UST: variants seen among roughly 807,000 people sequenced by gnomAD.
UST encodes uronyl 2-sulfotransferase.
Under a neutral mutation model 45.6 loss-of-function variants are expected in UST, and 21 were observed. The ratio of observed to expected loss-of-function variants is 0.46; its 90% CI spans 0.33 to 0.66. The LOEUF (loss-of-function observed/expected upper bound fraction) is 0.66, where lower values mean the gene tolerates loss of function less well. UST is among the 30% of genes least tolerant of loss of function. The probability of loss-of-function intolerance (pLI) is 0.02; values close to 1 mark genes in which losing one functional copy is unlikely to be tolerated. For missense variants in UST, 463 were observed against 512.4 expected (o/e 0.90, Z 0.93); for synonymous variants, 215 against 200.6 (o/e 1.07, Z -0.61).
rs12183162 is a variant in UST, at chr6:148,860,360, C to T, written c.248-26626C>T. ...ACATTGATTTTGTATCCTGAGACTT[C>T]GCTGAAGTTGCTTATCAGCTTAAGG... On this transcript the variant is annotated intron_variant, in intron 1 of 7. Coordinates refer to ENST00000367463, the MANE Select transcript of UST (RefSeq NM_005715.3). Among the ~76,000 whole-genome samples, 1,137 of 152,138 alleles carry T rather than the reference C, an allele frequency of 7.5e-3. 13 individuals carry two copies. The highest frequency in any genetic ancestry group is 0.026 in the African/African-American group (1,073 of 41,486).
chr6:148,881,891 C>T (rs1388100749), intron 1 of UST, among the ~76,000 whole-genome samples: 2 of 152,088 alleles, frequency 1.3e-5, no homozygotes, highest in African/African-American at 2.4e-5. Context: ...CTGATGAAAG[C>T]GTAAAATCCT....
chr6:149,056,062 A>G (rs1227914012), intron 7 of UST, among the ~76,000 whole-genome samples: 1 of 146,316 alleles, frequency 6.8e-6, no homozygotes. Flanking sequence ...TTTTTATAGT[A>G]TATCAGTATC....
At chr6:149,037,467 G>C (rs1157068738) in intron 7 of UST, among the ~76,000 whole-genome samples, 2 of 152,232 alleles carry the variant, frequency 1.3e-5, no homozygotes, top group Non-Finnish European at 2.9e-5. Context: ...GGAGGCCCAG[G>C]TGTGGGGGAG....
intron 1 of UST, among the ~76,000 whole-genome samples, chr6:148,780,730 T>G (rs1776627574): frequency 6.6e-6 from 1 of 152,248 alleles, no homozygotes; most frequent in South Asian, 2.1e-4. Flanking sequence ...CTATTGTGAA[T>G]AGTCAGCACC....
At chr6:149,021,519 G>A (rs1241378456) in intron 7 of UST, 38 bp downstream of exon 7, 2 of 1,611,430 alleles carry the variant, frequency 1.2e-6, no homozygotes, top group East Asian at 2.2e-5. Context: ...TCCATGAGAG[G>A]TCTGTGTCCA....
intron 1 of UST, among the ~76,000 whole-genome samples, chr6:148,863,523 G>T (rs544576119): frequency 6.6e-6 from 1 of 152,112 alleles, no homozygotes; most frequent in Admixed American, 6.6e-5. Flanking sequence ...GTCATTCTCC[G>T]TCCAGCTTTG....
intron 3 of UST, among the ~76,000 whole-genome samples, chr6:148,950,843 ACT>A (rs1344983261): frequency 6.6e-6 from 1 of 151,936 alleles, no homozygotes; most frequent in African/African-American, 2.4e-5. Context: ...CACCCACAAG[ACT>A]CTGACAGCTT....
At chr6:148,774,794 G>A (rs566344293) in intron 1 of UST, among the ~76,000 whole-genome samples, 25 of 152,282 alleles carry the variant, frequency 1.6e-4, no homozygotes, top group Admixed American at 5.2e-4. Context: ...CAAGGTGGGC[G>A]GATCACCTGA....
intron 1 of UST, among the ~76,000 whole-genome samples, chr6:148,795,973 A>C (rs559019910): frequency 1.3e-5 from 2 of 152,236 alleles, no homozygotes; most frequent in African/African-American, 4.8e-5. Flanking sequence ...TTTATAGTTT[A>C]GTTAATCTTG....
chr6:149,002,048 G>A (rs2115004095), intron 5 of UST, among the ~76,000 whole-genome samples: 1 of 151,952 alleles, frequency 6.6e-6, no homozygotes, highest in African/African-American at 2.4e-5. Flanking sequence ...AAAATTCTTT[G>A]CCCTTCCTCA....
intron 1 of UST, among the ~76,000 whole-genome samples, chr6:148,830,397 A>G (rs554758504): frequency 2.6e-5 from 4 of 152,248 alleles, no homozygotes; most frequent in East Asian, 1.9e-4. Context: ...GACCCAACAC[A>G]TATTCTATCC....
intron 1 of UST, among the ~76,000 whole-genome samples, chr6:148,768,181 A>C (rs117074158): frequency 1.2e-3 from 180 of 152,272 alleles, no homozygotes; most frequent in Non-Finnish European, 1.9e-3. Context: ...TCCTTTACTC[A>C]TTTGATTGGT....
At chr6:148,964,366 C>T (rs756476474) in intron 4 of UST, 44 bp from the exon 5 acceptor site, 1 of 1,604,154 alleles carries the variant, frequency 6.2e-7, no homozygotes, top group Non-Finnish European at 8.5e-7. Flanking sequence ...GCCCTGTTTT[C>T]GTCCTGCAGT....
At chr6:148,775,505 C>T (rs759536210) in intron 1 of UST, among the ~76,000 whole-genome samples, 1 of 152,182 alleles carries the variant, frequency 6.6e-6, no homozygotes, top group South Asian at 2.1e-4. Flanking sequence ...ATTTAAACTT[C>T]AGCAGTCACT....
intron 1 of UST, among the ~76,000 whole-genome samples, chr6:148,780,110 CAT>C (rs532423378): frequency 6.6e-4 from 97 of 146,040 alleles, no homozygotes; most frequent in African/African-American, 2.4e-3. Context: ...CACACAAATA[CAT>C]GTGTGTGTAT....
intron 7 of UST, among the ~76,000 whole-genome samples, chr6:149,030,996 C>G (rs1776131028): frequency 6.6e-6 from 1 of 152,008 alleles, no homozygotes; most frequent in African/African-American, 2.4e-5. Flanking sequence ...ATCACAAGGT[C>G]AGGAGTTCGA....
At chr6:149,067,832 G>A (rs898420291) in intron 7 of UST, among the ~76,000 whole-genome samples, 6 of 152,142 alleles carry the variant, frequency 3.9e-5, no homozygotes, top group African/African-American at 4.8e-5. Context: ...GAAGTCTGTC[G>A]TTTTCCGAAC....
chr6:148,899,395 A>T (rs1179294700), intron 2 of UST, among the ~76,000 whole-genome samples: 1 of 152,164 alleles, frequency 6.6e-6, no homozygotes, highest in Non-Finnish European at 1.5e-5. Flanking sequence ...CACCGCACCC[A>T]GCCTACCTAA....
chr6:148,804,091 A>T (rs919351256), intron 1 of UST, among the ~76,000 whole-genome samples: 4 of 152,222 alleles, frequency 2.6e-5, no homozygotes, highest in African/African-American at 9.7e-5. Context: ...AATAAAAGAA[A>T]TGAGGGAAAT....
Sources: allele counts gnomAD v4.1 joint callset (sites outside exome capture counted in the v4.1 genomes callset), GRCh38; gene constraint gnomAD v4.1.1; transcripts MANE v1.5; gene names NCBI Gene and HGNC (gene_info 2026-07-23, HGNC 2026-07-21).